The following DACH1 variants were observed in gnomAD, a reference collection of about 807,000 sequenced individuals.
DACH1 encodes the protein dachshund family transcription factor 1.
In DACH1, 12 loss-of-function variants were observed where a neutral mutation model predicts 54.2. The ratio of observed to expected loss-of-function variants is 0.22; its 90% CI spans 0.14 to 0.36. The LOEUF (loss-of-function observed/expected upper bound fraction) is 0.36, where lower values mean the gene tolerates loss of function less well. DACH1 is among the 10% of genes least tolerant of loss of function. The pLI is 1.00. For synonymous variants in DACH1, 386 were observed against 366.2 expected, an observed-to-expected ratio of 1.05 and a Z score of -0.62; for missense variants, 805 against 929.8, an observed-to-expected ratio of 0.87 and a Z score of 1.75.
chr13:71,606,101 T>G (rs938002369), intron 3 of DACH1, among the ~76,000 whole-genome samples: 4 of 152,084 alleles, frequency 2.6e-5, no homozygotes, highest in African/African-American at 9.7e-5. Flanking sequence ...GCTAGTACTG[T>G]AATAAATGAT....
intron 6 of DACH1, among the ~76,000 whole-genome samples, chr13:71,498,002 C>T (rs1462387704): frequency 6.6e-6 from 1 of 151,702 alleles, no homozygotes; most frequent in Non-Finnish European, 1.5e-5. Context: ...GGATATACTT[C>T]AAGCAGCATT....
At chr13:71,756,934 A>G (rs1280251301) in intron 1 of DACH1, among the ~76,000 whole-genome samples, 1 of 152,190 alleles carries the variant, frequency 6.6e-6, no homozygotes, top group Non-Finnish European at 1.5e-5. Context: ...TAGTGAATGT[A>G]AAGGATCAGG....
chr13:71,606,454 A>G (rs1301515295), intron 3 of DACH1, among the ~76,000 whole-genome samples: 1 of 152,094 alleles, frequency 6.6e-6, no homozygotes, highest in Non-Finnish European at 1.5e-5. Flanking sequence ...AATCTAAAAT[A>G]GAAGTATTAA....
intron 1 of DACH1, among the ~76,000 whole-genome samples, chr13:71,769,170 G>C (rs1201731123): frequency 6.6e-6 from 1 of 151,698 alleles, no homozygotes; most frequent in Non-Finnish European, 1.5e-5. Context: ...TGAGTATACA[G>C]CATCTGTGAA....
At chr13:71,856,517 G>A (rs1303096826) in intron 1 of DACH1, among the ~76,000 whole-genome samples, 1 of 151,896 alleles carries the variant, frequency 6.6e-6, no homozygotes, top group Non-Finnish European at 1.5e-5. Context: ...TCTCCTACCA[G>A]AAGATGCAAA....
intron 1 of DACH1, among the ~76,000 whole-genome samples, chr13:71,847,667 C>T (rs1381378840): frequency 6.6e-6 from 1 of 152,148 alleles, no homozygotes; most frequent in East Asian, 1.9e-4. Context: ...TGGATTTCTT[C>T]TCCTGTGGTG....
At chr13:71,721,778 T>C in intron 1 of DACH1, among the ~76,000 whole-genome samples, 1 of 152,138 alleles carries the variant, frequency 6.6e-6, no homozygotes. Flanking sequence ...TAAAAGTATG[T>C]TGGAAAAAAA....
chr13:71,558,093 T>C (rs1783688742), intron 5 of DACH1, among the ~76,000 whole-genome samples: 1 of 152,042 alleles, frequency 6.6e-6, no homozygotes, highest in Admixed American at 6.6e-5. Context: ...ATTTTTCTCT[T>C]ATGTAAAATA....
intron 1 of DACH1, among the ~76,000 whole-genome samples, chr13:71,768,107 A>G (rs1467258735): frequency 6.6e-6 from 1 of 152,022 alleles, no homozygotes; most frequent in African/African-American, 2.4e-5. Context: ...AATCATTTAA[A>G]GAATATAAGC....
intron 3 of DACH1, among the ~76,000 whole-genome samples, chr13:71,613,584 G>A (rs996245973): frequency 7.2e-5 from 11 of 152,138 alleles, no homozygotes; most frequent in African/African-American, 2.4e-4. Flanking sequence ...TTGAGTTATC[G>A]CACTGGCAAT....
chr13:71,723,135 C>T (rs1404480001), intron 1 of DACH1, among the ~76,000 whole-genome samples: 2 of 151,868 alleles, frequency 1.3e-5, no homozygotes, highest in Admixed American at 1.3e-4. Flanking sequence ...GGCATAGCAG[C>T]TTGTACCTGT....
intron 10 of DACH1, among the ~76,000 whole-genome samples, chr13:71,461,209 C>T (rs1876042189): frequency 6.6e-6 from 1 of 151,894 alleles, no homozygotes. Flanking sequence ...ACTTAAGTGC[C>T]TAACACAATG....
At chr13:71,753,880 A>G (rs1248400401) in intron 1 of DACH1, among the ~76,000 whole-genome samples, 1 of 152,204 alleles carries the variant, frequency 6.6e-6, no homozygotes, top group Non-Finnish European at 1.5e-5. Context: ...ATCATACAAA[A>G]GTAATATAGA....
intron 6 of DACH1, among the ~76,000 whole-genome samples, chr13:71,533,711 CTCTG>C (rs760263750): frequency 9.2e-5 from 14 of 151,776 alleles, no homozygotes; most frequent in African/African-American, 2.7e-4. Flanking sequence ...CTCTGTCTCT[CTCTG>C]TCTATCTCTC....
At chr13:71,614,924 A>G (rs1042555844) in intron 3 of DACH1, among the ~76,000 whole-genome samples, 2 of 151,246 alleles carry the variant, frequency 1.3e-5, no homozygotes, top group African/African-American at 4.9e-5. Flanking sequence ...ATTTGAATCT[A>G]TCAGTTTTTT....
intron 1 of DACH1, among the ~76,000 whole-genome samples, chr13:71,854,824 A>G (rs994400295): frequency 6.6e-6 from 1 of 152,052 alleles, no homozygotes; most frequent in Non-Finnish European, 1.5e-5. Context: ...AAATATTGGT[A>G]TTTTATAAAT....
chr13:71,815,125 T>C (rs1447921562), intron 1 of DACH1, among the ~76,000 whole-genome samples: 3 of 152,206 alleles, frequency 2.0e-5, no homozygotes, highest in Non-Finnish European at 2.9e-5. Context: ...ACCAGATGCT[T>C]GACACTTTGT....
intron 1 of DACH1, among the ~76,000 whole-genome samples, chr13:71,817,814 C>CTT (rs34031888): frequency 0.013 from 1,553 of 119,032 alleles, 60 homozygotes; most frequent in Non-Finnish European, 0.017. Flanking sequence ...TTCTTTCTTC[C>CTT]TTTTTTTTTT....
intron 7 of DACH1, among the ~76,000 whole-genome samples, chr13:71,486,607 A>ATATT (rs775641541): frequency 3.3e-5 from 5 of 152,130 alleles, no homozygotes; most frequent in African/African-American, 4.8e-5. Flanking sequence ...GTGTATATAT[A>ATATT]TATTTATAAT....
Sources: allele counts gnomAD v4.1 joint callset (sites outside exome capture counted in the v4.1 genomes callset), GRCh38; gene constraint gnomAD v4.1.1; transcripts MANE v1.5; gene names NCBI Gene and HGNC (gene_info 2026-07-23, HGNC 2026-07-21).